The following PLCE1 variants were observed in gnomAD, a reference collection of about 807,000 sequenced individuals.
PLCE1 encodes 1-phosphatidylinositol 4,5-bisphosphate phosphodiesterase epsilon-1.
A neutral mutation model predicts 242.8 loss-of-function variants in PLCE1; 119 were observed. The observed-to-expected ratio is 0.49, with a 90% confidence interval of 0.42 to 0.57. The LOEUF (loss-of-function observed/expected upper bound fraction) is 0.57. Ranked by LOEUF, PLCE1 falls within the 20% of genes least tolerant of loss-of-function variation. The pLI, the probability that PLCE1 is intolerant of heterozygous loss-of-function variation, is 0.00. For synonymous variants in PLCE1, 945 were observed against 1,017.4 expected, an observed-to-expected ratio of 0.93 and a Z score of 1.35; for missense variants, 2,441 against 2,788.8, an observed-to-expected ratio of 0.88 and a Z score of 2.81.
chr10:94,324,594 T>C, intron 31 of PLCE1, 27 bp downstream of exon 31: 1 of 1,560,974 alleles, frequency 6.4e-7, no homozygotes, highest in Admixed American at 1.7e-5. Context: ...TTTTGCTCTG[T>C]TCTTAAGTTA....
chr10:94,128,420 G>A (rs2046497671), intron 2 of PLCE1, among the ~76,000 whole-genome samples: 1 of 152,140 alleles, frequency 6.6e-6, no homozygotes, highest in Admixed American at 6.5e-5. Flanking sequence ...CATCATTCCA[G>A]ATCTTGGTAG....
chr10:94,031,371 A>G lies in PLCE1; in HGVS notation c.325A>G (p.Ile109Val), dbSNP rs771177637. The G allele has an allele frequency of 6.8e-6, 11 of 1,613,888 alleles. No individual in the cohort carries two copies. In the South Asian group the frequency reaches 1.2e-4, roughly 18 times the overall value. ...AAACCTTAACATTAACTGCAACAAC[A>G]TATTGAGAAACCATCAGCATGGCCT... ...AKNLNINCNN[I>V]LRNHQHGLPQ... is the part of the protein sequence containing the mutation. Residue 109 changes from isoleucine to valine, a missense_variant, in exon 2 of 33, where the codon ATA becomes GTA. This residue lies in a region of PLCE1 where 393 missense variants were observed against 378.5 expected (regional missense o/e 1.04). Transcript: ENST00000371380.
chr10:94,314,814 C>T (rs916494250), intron 28 of PLCE1: 1 of 152,260 alleles, frequency 6.6e-6, no homozygotes, highest in Non-Finnish European at 1.5e-5. Flanking sequence ...GACAGGCTAA[C>T]ATTCTGTCCA....
At chr10:94,295,848 A>C (rs1282485535) in intron 23 of PLCE1, among the ~76,000 whole-genome samples, 1 of 152,212 alleles carries the variant, frequency 6.6e-6, no homozygotes, top group Non-Finnish European at 1.5e-5. Context: ...TGTTCCATCT[A>C]TAGAATACAG....
chr10:94,047,564 G>A (rs963027523), intron 2 of PLCE1, among the ~76,000 whole-genome samples: 6 of 152,122 alleles, frequency 3.9e-5, no homozygotes, highest in Non-Finnish European at 7.4e-5. Context: ...TGTTTTCAAA[G>A]CATCTATTTT....
intron 4 of PLCE1, among the ~76,000 whole-genome samples, chr10:94,222,672 G>A (rs1471879733): frequency 6.6e-6 from 1 of 152,172 alleles, no homozygotes; most frequent in Admixed American, 6.5e-5. Context: ...GCCCCAGCAT[G>A]TTGGCCTTCC....
At chr10:94,245,242 C>T (rs2050637216) in intron 7 of PLCE1, among the ~76,000 whole-genome samples, 1 of 152,088 alleles carries the variant, frequency 6.6e-6, no homozygotes, top group African/African-American at 2.4e-5. Flanking sequence ...TTCTGAACCT[C>T]GGTTTCCTCA....
chr10:94,054,240 G>T (rs2043841321), intron 2 of PLCE1, among the ~76,000 whole-genome samples: 1 of 152,062 alleles, frequency 6.6e-6, no homozygotes, highest in Non-Finnish European at 1.5e-5. Flanking sequence ...TGGTGAAGGA[G>T]ACTGGTTAGC....
intron 2 of PLCE1, among the ~76,000 whole-genome samples, chr10:94,047,261 G>A (rs182707602): frequency 2.0e-5 from 3 of 152,226 alleles, no homozygotes; most frequent in East Asian, 3.9e-4. Context: ...TGAGTGGCAG[G>A]GTAATTTGGG....
rs755748805 is a variant in PLCE1, at chr10:94,269,066, A to G, written c.4389+30A>G. The G allele has an allele frequency of 5.2e-6, 6 of 1,152,100 alleles. No homozygotes were observed. In the Admixed American group the frequency reaches 1.0e-4, roughly 20 times the overall value. 71.4% of individuals were successfully genotyped at this position (1,152,100 alleles called of 1,614,324 possible). A position where few individuals can be genotyped will look rare whatever the true frequency, so the allele number is the denominator to read the frequency against. On this transcript the variant is annotated intron_variant, in intron 17 of 32. Coordinates refer to ENST00000371380, the MANE Select transcript of PLCE1 (RefSeq NM_016341.4). ...TCCTTCATAACTTTCTTTAAATCAA[A>G]TCACAAAGAGACATTATCTTCATTT...
intron 2 of PLCE1, among the ~76,000 whole-genome samples, chr10:94,080,096 C>T (rs1043018605): frequency 6.6e-6 from 1 of 152,186 alleles, no homozygotes; most frequent in Non-Finnish European, 1.5e-5. Context: ...TTTTACCCAT[C>T]GTCCTTCACC....
At chr10:94,165,652 G>T (rs117826602) in intron 3 of PLCE1, among the ~76,000 whole-genome samples, 1,868 of 152,110 alleles carry the variant, frequency 0.012, 11 homozygotes, top group Non-Finnish European at 0.021. Context: ...AGCTGAACCA[G>T]GTTTTTGAGC....
At chr10:94,301,142 C>T (rs2053022440) in intron 24 of PLCE1, among the ~76,000 whole-genome samples, 1 of 151,948 alleles carries the variant, frequency 6.6e-6, no homozygotes, top group Admixed American at 6.6e-5. Context: ...GTCAGGAGTT[C>T]AAGACCAGCC....
chr10:94,054,734 C>T (rs374150599), intron 2 of PLCE1, among the ~76,000 whole-genome samples: 1 of 152,040 alleles, frequency 6.6e-6, no homozygotes, highest in African/African-American at 2.4e-5. Flanking sequence ...GTGTTCAGGC[C>T]GAGTGCAGTG....
chr10:94,007,791 A>G (rs185623139), intron 1 of PLCE1, among the ~76,000 whole-genome samples: 15 of 145,408 alleles, frequency 1.0e-4, no homozygotes, highest in Admixed American at 1.0e-3. Context: ...ACACATGCAC[A>G]TGCACATAAA....
rs1210517775 is a variant in PLCE1 at position 94,060,383 on chromosome 10, T to G, written c.1206+28131T>G. On this transcript the variant is annotated intron_variant, in intron 2 of 32. Coordinates refer to ENST00000371380, the MANE Select transcript of PLCE1 (RefSeq NM_016341.4). ...AATGGAATTATGTGAGGCCTACAAC[T>G]GATAGAACTGGTTAGAAATTTTAAT... is the stretch of plus-strand genomic sequence containing the variant. 2.6e-5 allele frequency among the ~76,000 whole-genome samples: 4 copies of G among 152,094 alleles called. No individual in the cohort carries two copies. The East Asian group carries it at 7.7e-4, about 29-fold the overall frequency.
At chr10:94,235,532 A>T (rs2050293162) in intron 6 of PLCE1, among the ~76,000 whole-genome samples, 1 of 152,208 alleles carries the variant, frequency 6.6e-6, no homozygotes, top group South Asian at 2.1e-4. Flanking sequence ...GGGCCCAGTC[A>T]TTTTTTCTGG....
At chr10:94,028,714 T>C (rs1418141127) in intron 1 of PLCE1, among the ~76,000 whole-genome samples, 1 of 152,098 alleles carries the variant, frequency 6.6e-6, no homozygotes, top group Non-Finnish European at 1.5e-5. Context: ...TTTGGGAGGC[T>C]AAGATGGGAG....
intron 23 of PLCE1, among the ~76,000 whole-genome samples, chr10:94,297,590 T>TAAAAAAAAAAAA (rs71031568): frequency 2.1e-4 from 12 of 56,578 alleles, no homozygotes; most frequent in Non-Finnish European, 3.2e-4. Context: ...TTTAAATTTG[T>TAAAAAAAAAAAA]AAAAAAAAAA....
Sources: gnomAD v4.1 joint callset for allele counts (sites outside exome capture counted in the v4.1 genomes callset) on GRCh38, gnomAD v4.1.1 for gene constraint, gnomAD v4.1.1 regional missense constraint, MANE v1.5 for transcripts, NCBI Gene and HGNC (gene_info 2026-07-23, HGNC 2026-07-21) for gene names.